ZNF423: variants seen among roughly 807,000 people sequenced by gnomAD.
ZNF423 encodes the protein zinc finger protein 423, also known as Ebf-associated zinc finger protein.
A neutral mutation model predicts 95.8 loss-of-function variants in ZNF423; 12 were observed. The observed-to-expected ratio is 0.13, with a 90% CI of 0.08 to 0.20. ZNF423 has a LOEUF of 0.20. ZNF423 is among the 10% of genes least tolerant of loss of function. The pLI is 1.00. For synonymous variants in ZNF423, 749 were observed against 711.9 expected (o/e 1.05, Z -0.83); for missense variants, 1,316 against 1,737.1 (o/e 0.76, Z 4.31).
intron 1 of ZNF423, among the ~76,000 whole-genome samples, chr16:49,818,509 A>T (rs1329951141): frequency 6.6e-6 from 1 of 152,162 alleles, no homozygotes; most frequent in Non-Finnish European, 1.5e-5. Context: ...CAGGAGTTCA[A>T]GTCTATAGTG....
rs1274653617 is a variant in ZNF423 at position 49,855,514 on chromosome 16, G to GCCC, written c.40+220_40+221insGGG. The stretch of plus-strand genomic sequence containing the variant: ...AGGGTGTCCGCGGCGTACCCCCTCC[G>GCCC]CCGCCGCCGCCGCCGCCGCCGCCTC... On this transcript the variant is annotated intron_variant, in intron 1 of 7. Transcript: ENST00000563137. The surrounding 1 kb of genome is among the most constrained non-coding windows in gnomAD (Gnocchi z 4.7). Among the ~76,000 whole-genome samples, 2 of 97,732 alleles carry GCCC rather than the reference G, an allele frequency of 2.0e-5. No homozygotes were observed. The highest frequency in any genetic ancestry group is 5.5e-5 in the Non-Finnish European group (2 of 36,574). The allele number at this position is 97,732 out of a possible 152,430, so 64.1% of individuals were successfully genotyped here.
chr16:49,757,113 C>T (rs1044105140), intron 2 of ZNF423, among the ~76,000 whole-genome samples: 13 of 152,208 alleles, frequency 8.5e-5, no homozygotes, highest in Non-Finnish European at 1.3e-4. Flanking sequence ...TTTTCCATTA[C>T]GCTGTGCAAT....
chr16:49,827,776 C>T (rs1470513743), intron 1 of ZNF423, among the ~76,000 whole-genome samples: 5 of 152,038 alleles, frequency 3.3e-5, no homozygotes, highest in African/African-American at 7.2e-5. Context: ...CCTCGGCCTC[C>T]GGAAAAATTG....
intron 3 of ZNF423, among the ~76,000 whole-genome samples, chr16:49,723,584 G>A (rs537467354): frequency 6.6e-6 from 1 of 152,232 alleles, no homozygotes; most frequent in Admixed American, 6.5e-5. Context: ...TTTGACTTTG[G>A]TTTTATGGCT....
intron 3 of ZNF423, among the ~76,000 whole-genome samples, chr16:49,727,839 C>T (rs1396593611): frequency 1.3e-5 from 2 of 152,188 alleles, no homozygotes; most frequent in South Asian, 2.1e-4. Flanking sequence ...CCAGCGCGGC[C>T]CTCTCGGACA....
intron 1 of ZNF423, among the ~76,000 whole-genome samples, chr16:49,805,719 G>A (rs970773927): frequency 1.3e-5 from 2 of 152,220 alleles, no homozygotes; most frequent in Non-Finnish European, 2.9e-5. Context: ...TCCACCTGTT[G>A]CTTGCTGTGT....
chr16:49,591,116 G>A (rs190611657), intron 5 of ZNF423, among the ~76,000 whole-genome samples: 1 of 152,188 alleles, frequency 6.6e-6, no homozygotes, highest in Non-Finnish European at 1.5e-5. Context: ...TAACTCCACT[G>A]GAAACCAAAC....
intron 1 of ZNF423, among the ~76,000 whole-genome samples, chr16:49,821,653 T>C (rs1162048065): frequency 6.6e-6 from 1 of 152,198 alleles, no homozygotes; most frequent in East Asian, 1.9e-4. Flanking sequence ...GATTTCTCTC[T>C]TCCTTTGTTT....
At position 49,523,612 on chromosome 16, in the gene ZNF423, G is replaced by A. The variant is rs1968490152; in HGVS notation, c.3849+12C>T. ...CATCAGGCGGCGTGGTGCAGCGGAT[G>A]TGGGCACCCACCTGCAGCTCGGTCT... On this transcript the variant is annotated intron_variant, in intron 7 of 7. Coordinates refer to ENST00000563137, the MANE Select transcript of ZNF423 (RefSeq NM_001379286.1). 4 of 1,609,532 alleles carry A rather than the reference G, an allele frequency of 2.5e-6. No homozygotes were observed. The highest frequency in any genetic ancestry group is 2.7e-5 in the African/African-American group (2 of 74,984).
At chr16:49,857,972 A>G (rs990333457), upstream of ZNF423, 16 of 150,914 alleles carry the variant, frequency 1.1e-4, no homozygotes, top group African/African-American at 3.9e-4. The surrounding 1 kb of genome is among the most constrained non-coding windows in gnomAD (Gnocchi z 6.2). Context: ...TCCCTCCCCA[A>G]CTAGCTGCAG....
chr16:49,674,513 G>A (rs1361825181), intron 3 of ZNF423, among the ~76,000 whole-genome samples: 1 of 152,174 alleles, frequency 6.6e-6, no homozygotes. Flanking sequence ...AACCAGTCAG[G>A]GCCAGAGCCC....
At chr16:49,515,855 C>T (rs74971070) in intron 7 of ZNF423, among the ~76,000 whole-genome samples, 2,198 of 152,250 alleles carry the variant, frequency 0.014, 58 homozygotes, top group African/African-American at 0.05. Flanking sequence ...CAGAGGTGCC[C>T]ATGGGGATGC....
chr16:49,544,372 C>T (rs1969367204), intron 5 of ZNF423, among the ~76,000 whole-genome samples: 1 of 152,178 alleles, frequency 6.6e-6, no homozygotes, highest in Non-Finnish European at 1.5e-5. Context: ...TGAACGTACG[C>T]TATACTTCAA....
chr16:49,696,721 G>A (rs1222020898), intron 3 of ZNF423, among the ~76,000 whole-genome samples: 1 of 151,638 alleles, frequency 6.6e-6, no homozygotes, highest in Non-Finnish European at 1.5e-5. Context: ...GCGGGGGACA[G>A]CCAGGGACCT....
At chr16:49,665,722 G>T (rs1168348033) in intron 3 of ZNF423, among the ~76,000 whole-genome samples, 1 of 152,118 alleles carries the variant, frequency 6.6e-6, no homozygotes, top group African/African-American at 2.4e-5. Context: ...AGCACCTCTG[G>T]AGGCCAATCC....
intron 5 of ZNF423, among the ~76,000 whole-genome samples, chr16:49,576,370 C>T (rs1427509833): frequency 1.3e-5 from 2 of 152,210 alleles, no homozygotes; most frequent in African/African-American, 4.8e-5. Flanking sequence ...GGCAGGGGTG[C>T]AGGCAAGAGC....
chr16:49,550,573 T>C (rs1274294209), intron 5 of ZNF423, among the ~76,000 whole-genome samples: 2 of 152,250 alleles, frequency 1.3e-5, no homozygotes, highest in African/African-American at 4.8e-5. Context: ...CAGCTCTCTT[T>C]CTACAAAACC....
At position 49,626,204 on chromosome 16, in the gene ZNF423, T is replaced by C; in HGVS notation, c.3567A>G (p.Arg1189=). 1 of 1,614,002 alleles carries C rather than the reference T, an allele frequency of 6.2e-7. No homozygotes were observed. Among genetic ancestry groups the C allele is most frequent in the Non-Finnish European group, 8.5e-7 (1 of 1,179,934 alleles). ...GGTTGGCAACGTGGATTTGGATCTC[T>C]CTCTCGTTCTCGAAGGTCATCTGGC... is the stretch of plus-strand genomic sequence containing the variant. ...IKCQMTFENE[R]EIQIHVANHM... is the part of the protein sequence containing the mutation. The change falls in exon 5 of 8, where the codon AGA becomes AGG. Residue 1189 remains arginine, a synonymous_variant. Transcript: ENST00000563137.
At chr16:49,788,049 G>A (rs1341424670) in intron 2 of ZNF423, among the ~76,000 whole-genome samples, 1 of 152,198 alleles carries the variant, frequency 6.6e-6, no homozygotes, top group Non-Finnish European at 1.5e-5. Flanking sequence ...CCTTCCCCCA[G>A]CCTCCTATCT....
Sources: gnomAD v4.1 joint callset for allele counts (sites outside exome capture counted in the v4.1 genomes callset) on GRCh38, gnomAD v4.1.1 for gene constraint, Gnocchi (gnomAD v3.1) non-coding constraint, MANE v1.5 for transcripts, NCBI Gene and HGNC (gene_info 2026-07-23, HGNC 2026-07-21) for gene names.